The following DCAF5 variants were observed in gnomAD, a reference collection of about 807,000 sequenced individuals.
The protein encoded by DCAF5 is DDB1 and CUL4 associated factor 5.
In DCAF5, 9 loss-of-function variants were observed where a neutral mutation model predicts 80.7. The observed-to-expected ratio is 0.11, with a 90% confidence interval of 0.07 to 0.19. The LOEUF (loss-of-function observed/expected upper bound fraction) is 0.19, where lower values mean the gene tolerates loss of function less well. Ranked by LOEUF, DCAF5 falls within the 10% of genes least tolerant of loss-of-function variation. The pLI is 1.00. For synonymous variants in DCAF5, 433 were observed against 461.9 expected (o/e 0.94, Z 0.80); for missense variants, 842 against 1,205.7 (o/e 0.70, Z 4.47).
intron 6 of DCAF5, among the ~76,000 whole-genome samples, chr14:69,082,831 C>A (rs948642535): frequency 4.6e-5 from 7 of 152,172 alleles, no homozygotes; most frequent in African/African-American, 1.7e-4. Context: ...CAAAGCTCTT[C>A]TACTAAAAGT....
At chr14:69,092,126 C>T (rs751078904) in intron 5 of DCAF5, among the ~76,000 whole-genome samples, 1 of 152,052 alleles carries the variant, frequency 6.6e-6, no homozygotes, top group Non-Finnish European at 1.5e-5. Flanking sequence ...AGTAAAGTTA[C>T]AAGAAAAGGA....
intron 2 of DCAF5, among the ~76,000 whole-genome samples, chr14:69,120,902 A>G (rs1358836822): frequency 6.6e-6 from 1 of 152,210 alleles, no homozygotes; most frequent in Non-Finnish European, 1.5e-5. Flanking sequence ...TGATCTAGCT[A>G]TGGGGTCAAT....
At chr14:69,129,043 A>G (rs1438231616) in intron 1 of DCAF5, among the ~76,000 whole-genome samples, 2 of 152,172 alleles carry the variant, frequency 1.3e-5, no homozygotes, top group Non-Finnish European at 2.9e-5. Context: ...CATTACCCAG[A>G]CAGAAATAAT....
intron 5 of DCAF5, among the ~76,000 whole-genome samples, chr14:69,098,851 C>G (rs1374860296): frequency 7.2e-6 from 1 of 138,598 alleles, no homozygotes; most frequent in Non-Finnish European, 1.5e-5. Flanking sequence ...CGAGATCACA[C>G]CACTGCACTC....
In DCAF5 at chr14:69,101,707, A is replaced by ACACACCCCAGCTATGT. The variant is rs1403419788; in HGVS notation, c.666-9821_666-9820insACATAGCTGGGGTGTG. 1.2e-4 allele frequency among the ~76,000 whole-genome samples: 19 copies of ACACACCCCAGCTATGT among 152,328 alleles called. No homozygotes were observed. In the East Asian group the frequency reaches 3.7e-3, roughly 29 times the overall value. On this transcript the variant is annotated intron_variant, in intron 5 of 8. Transcript: ENST00000341516. ...TAGAGAGTATTCACACAAACCTAGA[A>ACACACCCCAGCTATGT]GGTATAGCCTACTACACACCCCAGC... is the stretch of plus-strand genomic sequence containing the variant.
chr14:69,131,106 A>C (rs930600559), intron 1 of DCAF5, among the ~76,000 whole-genome samples: 3 of 152,236 alleles, frequency 2.0e-5, no homozygotes, highest in Non-Finnish European at 2.9e-5. Flanking sequence ...TTTAGGTAGC[A>C]TTAAGAATAT....
At chr14:69,110,270 C>T (rs1421311010) in intron 5 of DCAF5, among the ~76,000 whole-genome samples, 4 of 106,822 alleles carry the variant, frequency 3.7e-5, no homozygotes, top group Non-Finnish European at 5.6e-5. Flanking sequence ...TTTTCACTTA[C>T]TTTTTTTTTT....
intron 5 of DCAF5, among the ~76,000 whole-genome samples, chr14:69,110,058 A>G (rs77104252): frequency 0.025 from 3,819 of 152,272 alleles, 92 homozygotes; most frequent in Non-Finnish European, 0.031. Context: ...CACTGCTCTC[A>G]TGAGTGATAA....
At chr14:69,142,424 C>G (rs527246052) in intron 1 of DCAF5, among the ~76,000 whole-genome samples, 1 of 152,188 alleles carries the variant, frequency 6.6e-6, no homozygotes, top group Non-Finnish European at 1.5e-5. Flanking sequence ...AATGGAGCAA[C>G]CTTTCTTTTT....
intron 6 of DCAF5, 38 bp downstream of exon 6, chr14:69,091,636 A>C (rs910779428): frequency 1.3e-6 from 2 of 1,562,240 alleles, no homozygotes; most frequent in African/African-American, 1.4e-5. Context: ...CAGAAAGAAA[A>C]GCATAAGTGT....
At chr14:69,091,607 C>A in intron 6 of DCAF5, 67 bp downstream of exon 6, 1 of 1,394,434 alleles carries the variant, frequency 7.2e-7, no homozygotes, top group South Asian at 1.2e-5. Flanking sequence ...GAAATAAAGA[C>A]CAGTATAGAA....
At chr14:69,099,821 C>A (rs545490301) in intron 5 of DCAF5, among the ~76,000 whole-genome samples, 1 of 151,994 alleles carries the variant, frequency 6.6e-6, no homozygotes, top group East Asian at 1.9e-4. Context: ...GTGGCACATG[C>A]CTGTAGTCCC....
chr14:69,092,282 C>T (rs181815657), intron 5 of DCAF5, among the ~76,000 whole-genome samples: 174 of 152,232 alleles, frequency 1.1e-3, no homozygotes, highest in African/African-American at 4.1e-3. Flanking sequence ...AGTGTTTAAG[C>T]AATATAGTCA....
intron 1 of DCAF5, among the ~76,000 whole-genome samples, chr14:69,136,583 T>C (rs2041203083): frequency 6.6e-6 from 1 of 152,236 alleles, no homozygotes; most frequent in African/African-American, 2.4e-5. Context: ...TTTAATGTTT[T>C]TTCACTTATG....
intron 1 of DCAF5, among the ~76,000 whole-genome samples, chr14:69,148,302 C>T (rs2041606277): frequency 6.6e-6 from 1 of 152,154 alleles, no homozygotes; most frequent in South Asian, 2.1e-4. Flanking sequence ...GTAAGTGGCA[C>T]TTCAAATACA....
chr14:69,060,919 A>T (rs1426707514), intron 8 of DCAF5, among the ~76,000 whole-genome samples: 1 of 143,380 alleles, frequency 7.0e-6, no homozygotes, highest in African/African-American at 2.6e-5. Flanking sequence ...AACAAAAGAA[A>T]ATGAAAATTA....
intron 1 of DCAF5, among the ~76,000 whole-genome samples, chr14:69,128,190 CTTCT>C (rs1297810782): frequency 2.1e-5 from 3 of 146,214 alleles, no homozygotes; most frequent in Admixed American, 6.8e-5. Context: ...ATTTTTTCTT[CTTCT>C]TTTTTTTTTT....
chr14:69,061,076 G>A (rs1238485798), intron 8 of DCAF5, among the ~76,000 whole-genome samples: 1 of 151,852 alleles, frequency 6.6e-6, no homozygotes, highest in Non-Finnish European at 1.5e-5. Flanking sequence ...TGGGAACATG[G>A]TTCACTGTAG....
intron 6 of DCAF5, chr14:69,085,386 C>A (rs2039277899): frequency 8.6e-6 from 5 of 584,224 alleles, no homozygotes; most frequent in African/African-American, 1.9e-5. Context: ...AGTTCTCTCA[C>A]TGAAGACATG....
Sources: gnomAD v4.1 joint callset for allele counts (sites outside exome capture counted in the v4.1 genomes callset) on GRCh38, gnomAD v4.1.1 for gene constraint, MANE v1.5 for transcripts, NCBI Gene and HGNC (gene_info 2026-07-23, HGNC 2026-07-21) for gene names.